ITGB3: variants seen among roughly 807,000 people sequenced by gnomAD.
ITGB3 encodes the protein integrin subunit beta 3.
ITGB3 carries 48 observed loss-of-function variants against 85.8 expected under a neutral mutation model. That is an observed-to-expected ratio of 0.56 (90% confidence interval 0.44 to 0.71). The LOEUF (loss-of-function observed/expected upper bound fraction) is 0.71, where lower values mean the gene tolerates loss of function less well. Among genes scored for constraint, ITGB3 ranks in the 30% least tolerant of loss-of-function variants. The pLI, the probability that ITGB3 is intolerant of heterozygous loss-of-function variation, is 0.00. For synonymous variants in ITGB3, 363 were observed against 395.6 expected, an observed-to-expected ratio of 0.92 and a Z score of 0.98; for missense variants, 861 against 1,019.1, an observed-to-expected ratio of 0.84 and a Z score of 2.11.
chr17:47,271,915 A>C (rs1271717580), intron 1 of ITGB3, among the ~76,000 whole-genome samples: 1 of 148,514 alleles, frequency 6.7e-6, no homozygotes, highest in Non-Finnish European at 1.5e-5. Context: ...CCCAATGCCC[A>C]GCTAATTTTT....
At chr17:47,289,556 A>T in intron 6 of ITGB3, 125 bp from the exon 7 acceptor site, 1 of 723,932 alleles carries the variant, frequency 1.4e-6, no homozygotes, top group East Asian at 2.6e-5. Context: ...CACTTTCAGC[A>T]TGAAGTGAAA....
chr17:47,260,002 A>T (rs1188131508), intron 1 of ITGB3, among the ~76,000 whole-genome samples: 1 of 152,180 alleles, frequency 6.6e-6, no homozygotes, highest in Non-Finnish European at 1.5e-5. Context: ...TTCTAATTCT[A>T]TTCCCCTATA....
chr17:47,267,532 G>A (rs1266599453), intron 1 of ITGB3, among the ~76,000 whole-genome samples: 1 of 152,170 alleles, frequency 6.6e-6, no homozygotes, highest in Non-Finnish European at 1.5e-5. Flanking sequence ...ATCTGCCTGG[G>A]TAGCAGGACT....
In ITGB3 at chr17:47,287,024, ATTTGT is replaced by A. The variant is rs56197296; in HGVS notation, c.778-40_778-36del. On this transcript the variant is annotated intron_variant, in intron 5 of 14. Transcript: ENST00000559488. ...TGTTCTCTACCAGTGACATGGCTGA[ATTTGT>A]TTTGTCTCCTCTGCCTTTGTTTTTT... is the stretch of plus-strand genomic sequence containing the variant. The A allele has an allele frequency of 0.083, 132,562 of 1,605,912 alleles. 6,982 individuals are homozygous for A. The highest frequency in any genetic ancestry group is 0.22 in the East Asian group (9,964 of 44,788).
Position 47,310,264 on chromosome 17 carries a change from C to A in ITGB3, c.*60C>A. 4.1e-6 allele frequency: 6 copies of A among 1,477,986 alleles called. No homozygotes were observed. Among genetic ancestry groups the A allele is most frequent in the Non-Finnish European group, 5.7e-6 (6 of 1,056,784 alleles). 91.6% of individuals were successfully genotyped at this position (1,477,986 alleles called of 1,614,324 possible). A position where few individuals can be genotyped will look rare whatever the true frequency, so the allele number is the denominator to read the frequency against. On this transcript the variant is annotated 3_prime_UTR_variant, in exon 15 of 15. Transcript: ENST00000559488. ...GTGCCACGATTGCAGGAGTCCCTGC[C>A]ATCATGTTTACAGAGGACAGTATTT...
chr17:47,274,213 G>A (rs140209624), intron 1 of ITGB3, among the ~76,000 whole-genome samples: 509 of 152,294 alleles, frequency 3.3e-3, no homozygotes, highest in African/African-American at 0.012. Context: ...AGTTGAGAGC[G>A]GTGATGAGTT....
intron 1 of ITGB3, among the ~76,000 whole-genome samples, chr17:47,268,284 T>C (rs2065032677): frequency 6.6e-6 from 1 of 152,178 alleles, no homozygotes; most frequent in South Asian, 2.1e-4. Flanking sequence ...TGTCCTCACA[T>C]TTCAAAACAC....
rs1167586788 is a variant in ITGB3 at position 47,311,793 on chromosome 17, AC to A, written c.*1590del. On this transcript the variant is annotated 3_prime_UTR_variant, in exon 15 of 15. Coordinates refer to ENST00000559488, the MANE Select transcript of ITGB3 (RefSeq NM_000212.3). ...CCAAATGCCCAAGAAAAAAAGAAAG[AC>A]TTATCAACATTTGTTCCATGAGCAG... The A allele has an allele frequency of 1.1e-4, 16 of 152,358 alleles. No homozygotes were observed. Among genetic ancestry groups the A allele is most frequent in the African/African-American group, 3.8e-4 (16 of 41,598 alleles). 9.4% of individuals were successfully genotyped at this position (152,358 alleles called of 1,614,324 possible). A position where few individuals can be genotyped will look rare whatever the true frequency, so the allele number is the denominator to read the frequency against.
intron 14 of ITGB3, among the ~76,000 whole-genome samples, chr17:47,309,404 C>G (rs1357814388): frequency 6.6e-6 from 1 of 152,136 alleles, no homozygotes; most frequent in Non-Finnish European, 1.5e-5. Context: ...ATTATTTGAG[C>G]AAAAGCTTTC....
chr17:47,269,802 ATAGC>A (rs1463993648), intron 1 of ITGB3, among the ~76,000 whole-genome samples: 2 of 152,152 alleles, frequency 1.3e-5, no homozygotes, highest in Non-Finnish European at 2.9e-5. Context: ...TGGTATCCTT[ATAGC>A]AGCACTCCAC....
chr17:47,276,234 TGGA>T (rs546813587), intron 2 of ITGB3, among the ~76,000 whole-genome samples: 81 of 152,282 alleles, frequency 5.3e-4, no homozygotes, highest in African/African-American at 1.7e-3. Context: ...AAAACCTTCT[TGGA>T]GGGTCTGTCC....
At chr17:47,262,601 T>C (rs1598678396) in intron 1 of ITGB3, among the ~76,000 whole-genome samples, 1 of 152,124 alleles carries the variant, frequency 6.6e-6, no homozygotes, top group East Asian at 1.9e-4. Context: ...CACCTGTTTG[T>C]TTTACAAAAA....
chr17:47,280,669 T>C (rs1342231029), intron 2 of ITGB3, among the ~76,000 whole-genome samples: 1 of 152,130 alleles, frequency 6.6e-6, no homozygotes, highest in African/African-American at 2.4e-5. Flanking sequence ...TTACAGGGCT[T>C]TTGAGTATGA....
chr17:47,270,698 G>A (rs1489594055), intron 1 of ITGB3, among the ~76,000 whole-genome samples: 6 of 152,188 alleles, frequency 3.9e-5, no homozygotes, highest in African/African-American at 1.4e-4. Context: ...AAGTCGGAGA[G>A]TGGAGCCCCA....
intron 6 of ITGB3, among the ~76,000 whole-genome samples, chr17:47,289,101 C>T (rs745981328): frequency 2.6e-5 from 4 of 152,140 alleles, no homozygotes; most frequent in Admixed American, 6.5e-5. Context: ...TGAGACCACA[C>T]GGTGGAGGAT....
chr17:47,302,571 C>G (rs1376211311), intron 12 of ITGB3, 150 bp from the exon 13 acceptor site: 6 of 916,076 alleles, frequency 6.5e-6, no homozygotes, highest in Admixed American at 2.0e-5. Flanking sequence ...CTGCCAGACA[C>G]AACAGCCACC....
chr17:47,310,043 G>A (rs1363175937), intron 14 of ITGB3, 96 bp from the exon 15 acceptor site: 1 of 1,011,056 alleles, frequency 9.9e-7, no homozygotes, highest in Admixed American at 1.8e-5. Context: ...CCAGAGAACG[G>A]TGCCTTGGGA....
At chr17:47,282,052 G>A (rs1222892327) in intron 2 of ITGB3, among the ~76,000 whole-genome samples, 1 of 152,184 alleles carries the variant, frequency 6.6e-6, no homozygotes, top group Non-Finnish European at 1.5e-5. Flanking sequence ...AGGTTTAAGC[G>A]ATTCTCCTGC....
chr17:47,292,428 G>T lies in ITGB3; in HGVS notation c.1550G>T (p.Gly517Val), dbSNP rs761924225. 10 of 1,610,158 alleles carry T rather than the reference G, an allele frequency of 6.2e-6. No homozygotes were observed. Among genetic ancestry groups the T allele is most frequent in the Middle Eastern group, 1.6e-4 (1 of 6,064 alleles). The change falls in exon 10 of 15, where the codon GGT becomes GTT. Residue 517 changes from glycine to valine, a missense_variant. Transcript: ENST00000559488. ...CAGGACGAATGCAGCCCCCGGGAGG[G>T]TCAGCCCGTCTGCAGCCAGCGGGGC... is the stretch of plus-strand genomic sequence containing the variant. ...SQQDECSPRE[G>V]QPVCSQRGEC...
Sources: allele counts gnomAD v4.1 joint callset (sites outside exome capture counted in the v4.1 genomes callset), GRCh38; gene constraint gnomAD v4.1.1; transcripts MANE v1.5; gene names NCBI Gene and HGNC (gene_info 2026-07-23, HGNC 2026-07-21).